ARB2A: variants seen among roughly 807,000 people sequenced by gnomAD.
ARB2A encodes cotranscriptional regulator ARB2A.
the ARB2A span, among the ~76,000 whole-genome samples, chr5:93,643,915 C>T: frequency 1.3e-5 from 2 of 152,218 alleles, no homozygotes; most frequent in East Asian, 1.9e-4. Context: ...TACTATATTC[C>T]TGGTATGGCA....
chr5:93,984,835 T>C, the ARB2A span, among the ~76,000 whole-genome samples: 2 of 152,206 alleles, frequency 1.3e-5, no homozygotes, highest in East Asian at 3.8e-4. Flanking sequence ...CCTGCAGACA[T>C]GTGACACTTT....
the ARB2A span, among the ~76,000 whole-genome samples, chr5:93,954,602 G>A: frequency 6.6e-6 from 1 of 151,836 alleles, no homozygotes; most frequent in African/African-American, 2.4e-5. Context: ...TTGGGGGAGG[G>A]GTGGCACAAG....
the ARB2A span, among the ~76,000 whole-genome samples, chr5:94,008,761 G>A: frequency 1.3e-5 from 2 of 151,872 alleles, no homozygotes; most frequent in African/African-American, 4.8e-5. Flanking sequence ...AAAATATTTG[G>A]AGCATATTGG....
chr5:93,620,701 T>G, the ARB2A span: 2 of 291,836 alleles, frequency 6.9e-6, no homozygotes, highest in South Asian at 1.5e-4. Context: ...AATTAGAGCT[T>G]CGCCGGCCGA....
chr5:93,971,779 A>T, the ARB2A span, among the ~76,000 whole-genome samples: 3 of 152,070 alleles, frequency 2.0e-5, no homozygotes, highest in Non-Finnish European at 4.4e-5. Flanking sequence ...TGGATTCCTC[A>T]ATTTAAAATA....
chr5:94,074,284 A>G, the ARB2A span, among the ~76,000 whole-genome samples: 2 of 152,296 alleles, frequency 1.3e-5, no homozygotes, highest in African/African-American at 4.8e-5. Flanking sequence ...ACAAAGGCAG[A>G]ATACAGAAAC....
At chr5:93,741,470 G>T in the ARB2A span, 1 of 1,613,418 alleles carries the variant, frequency 6.2e-7, no homozygotes, top group South Asian at 1.1e-5. Context: ...AACCAGGTCA[G>T]AGTGTCAACC....
At chr5:93,698,907 C>T in the ARB2A span, among the ~76,000 whole-genome samples, 3 of 152,082 alleles carry the variant, frequency 2.0e-5, no homozygotes, top group African/African-American at 7.2e-5. Flanking sequence ...TGCAGGGTGC[C>T]ATGGGGGCAG....
chr5:94,074,711 C>T, the ARB2A span: 1 of 1,612,424 alleles, frequency 6.2e-7, no homozygotes, highest in Non-Finnish European at 8.5e-7. Flanking sequence ...CATGTTTATC[C>T]AAATTGGCAA....
chr5:93,644,385 A>G, the ARB2A span, among the ~76,000 whole-genome samples: 1 of 152,188 alleles, frequency 6.6e-6, no homozygotes, highest in African/African-American at 2.4e-5. Flanking sequence ...GTGCAATCAA[A>G]AGTTTTAATA....
the ARB2A span, among the ~76,000 whole-genome samples, chr5:93,996,952 G>A: frequency 5.2e-3 from 786 of 152,136 alleles, 5 homozygotes; most frequent in Non-Finnish European, 8.9e-3. Context: ...TTATTGAGAA[G>A]TACGTATGTG....
the ARB2A span, among the ~76,000 whole-genome samples, chr5:93,961,669 T>C: frequency 6.6e-6 from 1 of 151,320 alleles, no homozygotes; most frequent in African/African-American, 2.4e-5. Flanking sequence ...TGCAACAGAG[T>C]GAGACTCTGT....
chr5:93,829,282 T>C, the ARB2A span, among the ~76,000 whole-genome samples: 2 of 152,130 alleles, frequency 1.3e-5, no homozygotes, highest in Admixed American at 6.5e-5. Flanking sequence ...AGGGAGCAAC[T>C]CGAAGTAACC....
At chr5:93,639,960 G>C in the ARB2A span, among the ~76,000 whole-genome samples, 1 of 150,940 alleles carries the variant, frequency 6.6e-6, no homozygotes, top group Admixed American at 6.6e-5. Context: ...CAAGAGAATG[G>C]CTTGAATCCG....
the ARB2A span, among the ~76,000 whole-genome samples, chr5:93,873,392 AAGGGGAAGGGGAAGG>A: frequency 8.8e-5 from 8 of 91,356 alleles, no homozygotes; most frequent in South Asian, 4.6e-4. Flanking sequence ...AAGGAAGGGG[AAGGGGAAGGGGAAGG>A]GGAAAGGAAA....
chr5:93,650,116 A>C, the ARB2A span, among the ~76,000 whole-genome samples: 26 of 152,070 alleles, frequency 1.7e-4, no homozygotes, highest in Admixed American at 3.3e-4. Context: ...ATCACCAATA[A>C]TCCTACTGTT....
the ARB2A span, among the ~76,000 whole-genome samples, chr5:93,854,570 C>T: frequency 6.6e-6 from 1 of 152,140 alleles, no homozygotes; most frequent in Non-Finnish European, 1.5e-5. Flanking sequence ...TTGGATCTTT[C>T]CTGCTTTCTC....
chr5:94,101,539 TA>T, the ARB2A span, among the ~76,000 whole-genome samples: 1 of 152,096 alleles, frequency 6.6e-6, no homozygotes, highest in East Asian at 1.9e-4. Flanking sequence ...GGAATCAACC[TA>T]AATGCCCATC....
chr5:94,093,320 A>G, the ARB2A span, among the ~76,000 whole-genome samples: 1 of 152,154 alleles, frequency 6.6e-6, no homozygotes, highest in East Asian at 1.9e-4. Context: ...AATACCATAC[A>G]CAGGGTGGGT....
Sources: gnomAD v4.1 joint callset for allele counts (sites outside exome capture counted in the v4.1 genomes callset) on GRCh38, gnomAD v4.1.1 for gene constraint, MANE v1.5 for transcripts, NCBI Gene and HGNC (gene_info 2026-07-23, HGNC 2026-07-21) for gene names.